RABGAP1L: variants seen among roughly 807,000 people sequenced by gnomAD.
RABGAP1L encodes RAB GTPase activating protein 1 like.
Under a neutral mutation model 137.7 loss-of-function variants are expected in RABGAP1L, and 63 were observed. The observed-to-expected ratio is 0.46, with a 90% CI of 0.37 to 0.56. The LOEUF (loss-of-function observed/expected upper bound fraction) is 0.56, where lower values mean the gene tolerates loss of function less well. RABGAP1L is among the 20% of genes least tolerant of loss of function. The pLI, the probability that RABGAP1L is intolerant of heterozygous loss-of-function variation, is 0.00. For missense variants in RABGAP1L, 1,095 were observed against 1,244.0 expected (o/e 0.88, Z 1.80); for synonymous variants, 431 against 433.7 (o/e 0.99, Z 0.08).
At chr1:174,361,887 TAA>T (rs1049075046) in intron 11 of RABGAP1L, among the ~76,000 whole-genome samples, 1 of 152,184 alleles carries the variant, frequency 6.6e-6, no homozygotes, top group Non-Finnish European at 1.5e-5. Flanking sequence ...ATCCAGGTAT[TAA>T]GTCTAGTACC....
intron 3 of RABGAP1L, among the ~76,000 whole-genome samples, chr1:174,228,711 A>C (rs1010180297): frequency 3.9e-5 from 6 of 152,276 alleles, no homozygotes; most frequent in African/African-American, 1.4e-4. Flanking sequence ...ATATTTTAGT[A>C]TAATATTTAG....
intron 13 of RABGAP1L, among the ~76,000 whole-genome samples, chr1:174,498,664 ATTTTTTT>A (rs371906339): frequency 1.1e-4 from 15 of 133,478 alleles, no homozygotes; most frequent in Non-Finnish European, 1.6e-5. Flanking sequence ...GCCCGGCTAA[ATTTTTTT>A]TTTTTTTTTT....
chr1:174,844,282 G>T, intron 19 of RABGAP1L, among the ~76,000 whole-genome samples: 1 of 125,832 alleles, frequency 7.9e-6, no homozygotes, highest in Non-Finnish European at 1.7e-5. Context: ...TGGTGTTTTG[G>T]ACATGAAGTC....
chr1:174,301,801 G>A (rs561929341), intron 10 of RABGAP1L, among the ~76,000 whole-genome samples: 1 of 152,200 alleles, frequency 6.6e-6, no homozygotes, highest in South Asian at 2.1e-4. Flanking sequence ...CTCAAAGTTG[G>A]GCATGACAGT....
intron 19 of RABGAP1L, among the ~76,000 whole-genome samples, chr1:174,816,928 A>C (rs888353670): frequency 6.6e-6 from 1 of 151,880 alleles, no homozygotes; most frequent in Non-Finnish European, 1.5e-5. Flanking sequence ...TCAGGGTTTC[A>C]CCATGTTGGC....
chr1:174,305,549 C>CT (rs914973647), intron 11 of RABGAP1L, among the ~76,000 whole-genome samples: 45 of 151,440 alleles, frequency 3.0e-4, no homozygotes, highest in Non-Finnish European at 2.1e-4. Context: ...TGCTTGGCTA[C>CT]TTTTTTTTGT....
intron 4 of RABGAP1L, among the ~76,000 whole-genome samples, chr1:174,238,165 C>T (rs1485385359): frequency 6.6e-6 from 1 of 152,014 alleles, no homozygotes; most frequent in African/African-American, 2.4e-5. Flanking sequence ...TCTAGTTATA[C>T]ATTCTTCTAA....
chr1:174,821,029 A>G (rs1690970422), intron 19 of RABGAP1L, among the ~76,000 whole-genome samples: 1 of 152,052 alleles, frequency 6.6e-6, no homozygotes, highest in South Asian at 2.1e-4. Flanking sequence ...AAAGAAAAAA[A>G]AAAAAAAACT....
chr1:174,934,259 T>G (rs1490746901), intron 19 of RABGAP1L, among the ~76,000 whole-genome samples: 1 of 152,028 alleles, frequency 6.6e-6, no homozygotes, highest in Non-Finnish European at 1.5e-5. Context: ...CAGCTAATTT[T>G]GTATTTTTAG....
chr1:174,299,229 C>T (rs1054920192), intron 10 of RABGAP1L, among the ~76,000 whole-genome samples: 4 of 152,164 alleles, frequency 2.6e-5, no homozygotes, highest in African/African-American at 9.7e-5. Flanking sequence ...AAGTCTGAGC[C>T]TAATCATGGG....
rs139724339 is a variant in RABGAP1L at position 174,701,342 on chromosome 1, C to T, written c.2026-771C>T. ...GAAGACAGATTTCTAAATAGTTTGT[C>T]GTGGCTTAGAATTTTCTAAGTGTTC... On this transcript the variant is annotated intron_variant, in intron 16 of 25. Transcript: ENST00000681986. Among the ~76,000 whole-genome samples, 571 of 152,218 alleles carry T rather than the reference C, an allele frequency of 3.8e-3. 4 individuals carry two copies. The highest frequency in any genetic ancestry group is 0.013 in the African/African-American group (543 of 41,528).
intron 15 of RABGAP1L, 32 bp from the exon 16 acceptor site, chr1:174,699,493 T>C (rs1220986539): frequency 1.3e-6 from 2 of 1,581,756 alleles, no homozygotes; most frequent in East Asian, 2.3e-5. Flanking sequence ...ATGCCACTTA[T>C]TTATATTGTA....
chr1:174,987,820 T>A (rs534937334), intron 24 of RABGAP1L, among the ~76,000 whole-genome samples: 142 of 152,304 alleles, frequency 9.3e-4, no homozygotes, highest in Non-Finnish European at 9.7e-4. Flanking sequence ...ATTTTATTTT[T>A]ATTTTTTGAG....
chr1:174,222,550 T>G (rs748397710), intron 3 of RABGAP1L, among the ~76,000 whole-genome samples: 10 of 152,228 alleles, frequency 6.6e-5, no homozygotes, highest in Non-Finnish European at 1.5e-4. Flanking sequence ...AAATTTTACA[T>G]GTATATGCAC....
In RABGAP1L at chr1:174,463,656, TATA is replaced by T. The variant is rs1051921614; in HGVS notation, c.1710+69522_1710+69524del. ...TGCACATGTACCCTAAAACTTAAAG[TATA>T]ATAATAATAAAATAAAAAAGAAGAC... On this transcript the variant is annotated intron_variant, in intron 13 of 25. Coordinates refer to ENST00000681986, the MANE Select transcript of RABGAP1L (RefSeq NM_001366446.1). Among the ~76,000 whole-genome samples the T allele has an allele frequency of 4.6e-5, 7 of 151,724 alleles. No homozygotes were observed. The East Asian group carries it at 5.8e-4, about 13-fold the overall frequency.
intron 13 of RABGAP1L, among the ~76,000 whole-genome samples, chr1:174,443,206 T>G (rs1224109494): frequency 6.6e-6 from 1 of 152,114 alleles, no homozygotes; most frequent in African/African-American, 2.4e-5. Context: ...TGTTTGATAT[T>G]GCTGATTTCC....
At chr1:174,774,174 G>A (rs762201476) in intron 18 of RABGAP1L, among the ~76,000 whole-genome samples, 8 of 152,146 alleles carry the variant, frequency 5.3e-5, no homozygotes, top group Non-Finnish European at 1.0e-4. Context: ...TAACTAAAAC[G>A]CCCATAGCCT....
At chr1:174,605,562 C>G (rs1159582669) in intron 13 of RABGAP1L, among the ~76,000 whole-genome samples, 1 of 151,898 alleles carries the variant, frequency 6.6e-6, no homozygotes, top group African/African-American at 2.4e-5. Context: ...GATTTTGATT[C>G]CACTTGTTCA....
At chr1:174,199,283 A>T (rs1278554587) in intron 1 of RABGAP1L, among the ~76,000 whole-genome samples, 2 of 151,900 alleles carry the variant, frequency 1.3e-5, no homozygotes, top group Admixed American at 6.6e-5. Context: ...AGGCAATTTT[A>T]TTCATGTATT....
Sources: allele counts gnomAD v4.1 joint callset (sites outside exome capture counted in the v4.1 genomes callset), GRCh38; gene constraint gnomAD v4.1.1; transcripts MANE v1.5; gene names NCBI Gene and HGNC (gene_info 2026-07-23, HGNC 2026-07-21).